Variants in NKAIN2 observed in about 807,000 individuals in gnomAD.
NKAIN2 encodes the protein sodium/potassium-transporting ATPase subunit beta-1-interacting protein 2.
Under a neutral mutation model 32.6 loss-of-function variants are expected in NKAIN2, and 14 were observed. The ratio of observed to expected loss-of-function variants is 0.43; its 90% CI spans 0.28 to 0.67. The LOEUF is 0.67. NKAIN2 is among the 30% of genes least tolerant of loss of function. NKAIN2 has a pLI of 0.17. For missense variants in NKAIN2, 198 were observed against 258.3 expected (o/e 0.77, Z 1.60); for synonymous variants, 80 against 87.2 (o/e 0.92, Z 0.46).
intron 3 of NKAIN2, among the ~76,000 whole-genome samples, chr6:124,421,790 C>G (rs1774763202): frequency 6.6e-6 from 1 of 152,104 alleles, no homozygotes; most frequent in South Asian, 2.1e-4. Flanking sequence ...CAAATTGACT[C>G]ACATTTCCAG....
At chr6:124,809,424 A>T (rs995337211) in intron 5 of NKAIN2, among the ~76,000 whole-genome samples, 3 of 147,262 alleles carry the variant, frequency 2.0e-5, no homozygotes, top group Non-Finnish European at 4.5e-5. Context: ...AAAACTGGCT[A>T]GCCATATGTA....
At chr6:123,938,816 A>G (rs924290754) in intron 1 of NKAIN2, among the ~76,000 whole-genome samples, 11 of 151,462 alleles carry the variant, frequency 7.3e-5, no homozygotes, top group East Asian at 3.9e-4. Flanking sequence ...TAAGCAGTAT[A>G]TGTTTGTGAA....
chr6:124,184,084 A>G (rs2114555661), intron 1 of NKAIN2, among the ~76,000 whole-genome samples: 1 of 152,284 alleles, frequency 6.6e-6, no homozygotes, highest in East Asian at 1.9e-4. Context: ...ATTGTCTCTT[A>G]TCTTTTAATG....
chr6:123,959,190 T>C (rs1344411461), intron 1 of NKAIN2, among the ~76,000 whole-genome samples: 1 of 152,204 alleles, frequency 6.6e-6, no homozygotes, highest in Non-Finnish European at 1.5e-5. Flanking sequence ...GATAGCATTC[T>C]CCCTTTGGAA....
intron 1 of NKAIN2, among the ~76,000 whole-genome samples, chr6:123,999,269 T>G (rs17086454): frequency 1.3e-5 from 2 of 152,094 alleles, no homozygotes; most frequent in Non-Finnish European, 2.9e-5. Context: ...ATCCTGACAT[T>G]ATATTCTAAG....
intron 1 of NKAIN2, among the ~76,000 whole-genome samples, chr6:124,262,394 A>G (rs1390947743): frequency 2.6e-5 from 4 of 152,154 alleles, no homozygotes; most frequent in African/African-American, 9.7e-5. Context: ...AGGGCTACTC[A>G]TCTCTCTTGA....
chr6:124,242,063 A>G (rs1170436124), intron 1 of NKAIN2, among the ~76,000 whole-genome samples: 1 of 152,174 alleles, frequency 6.6e-6, no homozygotes, highest in Non-Finnish European at 1.5e-5. Flanking sequence ...GGGTCTAATT[A>G]AAGAGCTTAT....
At chr6:124,488,790 T>G (rs763554787) in intron 3 of NKAIN2, among the ~76,000 whole-genome samples, 5 of 152,028 alleles carry the variant, frequency 3.3e-5, no homozygotes, top group African/African-American at 4.8e-5. Context: ...GTTATTACTG[T>G]CATAGCTTCT....
intron 1 of NKAIN2, among the ~76,000 whole-genome samples, chr6:124,148,119 C>A (rs1246021567): frequency 6.6e-6 from 1 of 151,822 alleles, no homozygotes; most frequent in Non-Finnish European, 1.5e-5. Flanking sequence ...TTCATTATTT[C>A]ATTTATTTTT....
intron 1 of NKAIN2, among the ~76,000 whole-genome samples, chr6:124,075,689 G>A (rs142712852): frequency 3.3e-5 from 5 of 152,184 alleles, no homozygotes; most frequent in East Asian, 1.9e-4. Flanking sequence ...TCTGCCTCCC[G>A]GGTTCAAGCT....
chr6:123,809,058 AGTTAT>A (rs1210006967), intron 1 of NKAIN2, among the ~76,000 whole-genome samples: 35 of 152,180 alleles, frequency 2.3e-4, no homozygotes, highest in Admixed American at 6.5e-5. Flanking sequence ...GTTGTATTTC[AGTTAT>A]GTTATTTGGT....
At chr6:124,770,455 CA>C (rs2114757777) in intron 4 of NKAIN2, among the ~76,000 whole-genome samples, 1 of 152,268 alleles carries the variant, frequency 6.6e-6, no homozygotes, top group East Asian at 1.9e-4. Context: ...AAAACACCTT[CA>C]AATCCCATTT....
chr6:124,193,707 G>T (rs1434613619), intron 1 of NKAIN2, among the ~76,000 whole-genome samples: 2 of 152,122 alleles, frequency 1.3e-5, no homozygotes, highest in Admixed American at 1.3e-4. Flanking sequence ...AACGAGGTAT[G>T]CAGACAAGTG....
chr6:124,520,773 T>C (rs1779090345), intron 3 of NKAIN2, among the ~76,000 whole-genome samples: 1 of 152,220 alleles, frequency 6.6e-6, no homozygotes, highest in African/African-American at 2.4e-5. Flanking sequence ...GACTCGATTA[T>C]CATATTTCAA....
chr6:123,874,974 A>G (rs1411820248), intron 1 of NKAIN2, among the ~76,000 whole-genome samples: 1 of 152,052 alleles, frequency 6.6e-6, no homozygotes, highest in Non-Finnish European at 1.5e-5. Context: ...TAAACTATAT[A>G]GAGATTTTAA....
chr6:124,623,552 G>A (rs1010228604), intron 3 of NKAIN2, among the ~76,000 whole-genome samples: 1 of 151,988 alleles, frequency 6.6e-6, no homozygotes, highest in African/African-American at 2.4e-5. Context: ...GTTAGTTGTA[G>A]AAAATTTGAA....
At chr6:124,306,654 C>T (rs1562482341) in intron 2 of NKAIN2, among the ~76,000 whole-genome samples, 1 of 152,164 alleles carries the variant, frequency 6.6e-6, no homozygotes, top group East Asian at 1.9e-4. Context: ...CCAGCTAAGA[C>T]ATATATATTC....
chr6:124,197,220 T>G (rs1481009771), intron 1 of NKAIN2, among the ~76,000 whole-genome samples: 2 of 152,090 alleles, frequency 1.3e-5, no homozygotes, highest in Non-Finnish European at 2.9e-5. Context: ...AATTCATAAG[T>G]GTTTTGTCCC....
intron 1 of NKAIN2, among the ~76,000 whole-genome samples, chr6:124,108,107 A>G (rs1785201489): frequency 6.6e-6 from 1 of 152,110 alleles, no homozygotes; most frequent in South Asian, 2.1e-4. Flanking sequence ...ACTGTTTGCC[A>G]TAGAAGATGC....
Sources: gnomAD v4.1 joint callset for allele counts (sites outside exome capture counted in the v4.1 genomes callset) on GRCh38, gnomAD v4.1.1 for gene constraint, MANE v1.5 for transcripts, NCBI Gene and HGNC (gene_info 2026-07-23, HGNC 2026-07-21) for gene names.